FBLN2: variants seen among roughly 807,000 people sequenced by gnomAD.
FBLN2 encodes fibulin-2.
A neutral mutation model predicts 123.7 loss-of-function variants in FBLN2; 81 were observed. The observed-to-expected ratio is 0.65, with a 90% confidence interval of 0.55 to 0.79. The LOEUF (loss-of-function observed/expected upper bound fraction) is 0.79, where lower values mean the gene tolerates loss of function less well. FBLN2 is among the 30% of genes least tolerant of loss of function. The probability of loss-of-function intolerance (pLI) is 0.00; values close to 1 mark genes in which losing one functional copy is unlikely to be tolerated. For missense variants in FBLN2, 1,603 were observed against 1,681.3 expected, an observed-to-expected ratio of 0.95 and a Z score of 0.81; for synonymous variants, 699 against 701.4, an observed-to-expected ratio of 1.00 and a Z score of 0.05.
intron 5 of FBLN2, among the ~76,000 whole-genome samples, chr3:13,617,729 AC>A (rs1183506141): frequency 0.035 from 488 of 13,938 alleles, 8 homozygotes; most frequent in African/African-American, 0.096. Flanking sequence ...CCATTCATCC[AC>A]CCCCCCCACC....
intron 1 of FBLN2, chr3:13,569,011 C>T (rs1703834841): frequency 2.0e-6 from 2 of 985,782 alleles, no homozygotes; most frequent in African/African-American, 3.5e-5. Flanking sequence ...TGGGGCTGCG[C>T]TTTAGGCTGG....
At chr3:13,584,846 C>T (rs1388386864) in intron 2 of FBLN2, among the ~76,000 whole-genome samples, 3 of 152,234 alleles carry the variant, frequency 2.0e-5, no homozygotes. Flanking sequence ...CTCACATGCT[C>T]ACACGGGAGG....
intron 1 of FBLN2, among the ~76,000 whole-genome samples, chr3:13,567,977 C>T (rs1282143558): frequency 6.6e-6 from 1 of 152,142 alleles, no homozygotes; most frequent in Non-Finnish European, 1.5e-5. Context: ...ACAGAAAGAA[C>T]TGTTGAGAGT....
chr3:13,624,354 C>A (rs1705953357), intron 9 of FBLN2, among the ~76,000 whole-genome samples: 1 of 126,614 alleles, frequency 7.9e-6, no homozygotes. Context: ...CATAATTCCT[C>A]CAGGCTGTGG....
chr3:13,578,246 C>G lies in FBLN2; in HGVS notation c.1306+6585C>G, dbSNP rs143827474. The stretch of plus-strand genomic sequence containing the variant: ...AGTCCCCACTTTGAGGGAGCAGAAT[C>G]TAGTGGGTTTTAGTAGATTTGGAGT... On this transcript the variant is annotated intron_variant, in intron 2 of 17. Coordinates refer to ENST00000404922, the MANE Select transcript of FBLN2 (RefSeq NM_001004019.2). Among the ~76,000 whole-genome samples, 874 of 152,324 alleles carry G rather than the reference C, an allele frequency of 5.7e-3. 9 individuals are homozygous for G. Among genetic ancestry groups the G allele is most frequent in the African/African-American group, 0.019 (778 of 41,564 alleles).
chr3:13,590,784 T>G (rs1704649530), intron 2 of FBLN2, among the ~76,000 whole-genome samples: 1 of 152,262 alleles, frequency 6.6e-6, no homozygotes, highest in African/African-American at 2.4e-5. Context: ...CTCCTTATGA[T>G]TCCATTGTAG....
chr3:13,608,637 ACT>A (rs990840346), intron 3 of FBLN2, among the ~76,000 whole-genome samples: 5 of 151,852 alleles, frequency 3.3e-5, no homozygotes, highest in African/African-American at 7.3e-5. Context: ...GTTTCTTCTG[ACT>A]CTGATACCAC....
At chr3:13,635,878 G>T (rs765621160) in intron 16 of FBLN2, among the ~76,000 whole-genome samples, 2 of 152,218 alleles carry the variant, frequency 1.3e-5, no homozygotes, top group Non-Finnish European at 2.9e-5. Flanking sequence ...TCGGTGTGTT[G>T]CAGAGCATGG....
intron 4 of FBLN2, 50 bp downstream of exon 4, chr3:13,609,692 G>GGGGGGGGGGGGC: frequency 5.9e-6 from 3 of 508,390 alleles, no homozygotes; most frequent in Non-Finnish European, 1.1e-5. Context: ...GGCGGGGCGG[G>GGGGGGGGGGGGC]AGGCTGGCCT....
In FBLN2 at chr3:13,622,286, C is replaced by G. The variant is rs529103099; in HGVS notation, c.2296+371C>G. Among the ~76,000 whole-genome samples, 17 of 152,300 alleles carry G rather than the reference C, an allele frequency of 1.1e-4. No homozygotes were observed. The East Asian group carries it at 1.9e-3, about 17-fold the overall frequency. ...AGCCAAGCAGGACCCCCAGAAGCTC[C>G]GTGGCCTTGGATGAATGACTCGTCT... is the stretch of plus-strand genomic sequence containing the variant. On this transcript the variant is annotated intron_variant, in intron 9 of 17. Coordinates refer to ENST00000404922, the MANE Select transcript of FBLN2 (RefSeq NM_001004019.2).
At chr3:13,637,527 C>A in intron 17 of FBLN2, 35 bp from the exon 18 acceptor site, 1 of 1,538,660 alleles carries the variant, frequency 6.5e-7, no homozygotes, top group Non-Finnish European at 8.8e-7. Flanking sequence ...GGGGGGTGGG[C>A]GAGCTGTGGG....
rs1706167187 is a variant in FBLN2 at position 13,629,291 on chromosome 3, CGGTA to C, written c.2842+6_2842+9del. The stretch of plus-strand genomic sequence containing the variant: ...GGGATGCCTTTGGCCGGGGCTGCAT[CGGTA>C]GGTAGGCTGGTGGCCAGGACCCCTG... On this transcript the variant is annotated splice_donor_variant and splice_donor_region_variant and coding_sequence_variant and intron_variant, in exon 13 of 18. Coordinates refer to ENST00000404922, the MANE Select transcript of FBLN2 (RefSeq NM_001004019.2). LOFTEE classifies it high-confidence loss of function. The C allele has an allele frequency of 6.2e-7, 1 of 1,606,410 alleles. No homozygotes were observed. The highest frequency in any genetic ancestry group is 8.5e-7 in the Non-Finnish European group (1 of 1,177,404).
chr3:13,596,055 A>C (rs773501682), intron 2 of FBLN2, among the ~76,000 whole-genome samples: 2 of 152,212 alleles, frequency 1.3e-5, no homozygotes, highest in African/African-American at 4.8e-5. Flanking sequence ...AAAATTCTTC[A>C]TAGTACATGT....
At chr3:13,581,805 C>T (rs944743870) in intron 2 of FBLN2, among the ~76,000 whole-genome samples, 2 of 152,134 alleles carry the variant, frequency 1.3e-5, no homozygotes, top group African/African-American at 2.4e-5. Flanking sequence ...AAAGGGATTA[C>T]GAGTCCCTTC....
At chr3:13,635,054 C>T (rs1035602077) in intron 16 of FBLN2, among the ~76,000 whole-genome samples, 9 of 152,200 alleles carry the variant, frequency 5.9e-5, no homozygotes, top group Admixed American at 3.9e-4. Flanking sequence ...CTGCCCCGCT[C>T]GCTGCTGTGT....
intron 9 of FBLN2, among the ~76,000 whole-genome samples, chr3:13,623,710 T>C (rs1705932441): frequency 6.6e-6 from 1 of 152,162 alleles, no homozygotes; most frequent in Non-Finnish European, 1.5e-5. Flanking sequence ...AAATCCTGGC[T>C]CTTTCAATTT....
At chr3:13,633,898 C>T (rs1466876700) in intron 16 of FBLN2, among the ~76,000 whole-genome samples, 1 of 150,948 alleles carries the variant, frequency 6.6e-6, no homozygotes, top group Non-Finnish European at 1.5e-5. Context: ...AACCACTGCT[C>T]ATGTTTGCAT....
intron 2 of FBLN2, among the ~76,000 whole-genome samples, chr3:13,593,713 C>CAAAAAAA (rs59546141): frequency 1.2e-5 from 1 of 81,188 alleles, no homozygotes; most frequent in Non-Finnish European, 2.5e-5. Flanking sequence ...GACTCTATCT[C>CAAAAAAA]AAAAAAAAAA....
intron 17 of FBLN2, among the ~76,000 whole-genome samples, 198 bp from the exon 18 acceptor site, chr3:13,637,364 G>A (rs932114016): frequency 3.3e-5 from 5 of 152,212 alleles, no homozygotes; most frequent in African/African-American, 4.8e-5. Flanking sequence ...CCAGTGAGCC[G>A]GTGAAGGTTT....
Sources: allele counts gnomAD v4.1 joint callset (sites outside exome capture counted in the v4.1 genomes callset), GRCh38; gene constraint gnomAD v4.1.1; transcripts MANE v1.5; gene names NCBI Gene and HGNC (gene_info 2026-07-23, HGNC 2026-07-21).